Variants in ZNF783 observed in about 807,000 individuals in gnomAD.
The protein encoded by ZNF783 is zinc finger protein 783, also known as protein ZNF783.
ZNF783 carries 25 observed loss-of-function variants against 31.3 expected under a neutral mutation model. That is an observed-to-expected ratio of 0.80 (90% CI 0.58 to 1.11). The LOEUF is 1.11. Ranked by LOEUF, ZNF783 falls within the 50% of genes most tolerant of loss-of-function variation. The pLI, the probability that ZNF783 is intolerant of heterozygous loss-of-function variation, is 0.00. For missense variants in ZNF783, 797 were observed against 760.0 expected (o/e 1.05, Z -0.57); for synonymous variants, 369 against 319.1 (o/e 1.16, Z -1.66).
In ZNF783 at chr7:149,282,357, CA is replaced by C. The variant is rs1563200561; in HGVS notation, c.*15del. ...GAGGAGGGCTGACCTGGCAGGAGCC[CA>C]CAGAGGACCCCTGGCGGGGTCTCTC... On this transcript the variant is annotated 3_prime_UTR_variant, in exon 6 of 6. Transcript: ENST00000434415. 1 of 1,475,528 alleles carries C rather than the reference CA, an allele frequency of 6.8e-7. No homozygotes were observed. The highest frequency in any genetic ancestry group is 8.9e-7 in the Non-Finnish European group (1 of 1,119,380). The allele number at this position is 1,475,528 out of a possible 1,614,324, so 91.4% of individuals were successfully genotyped here. A position where few individuals can be genotyped will look rare whatever the true frequency, so the allele number is the denominator to read the frequency against.
chr7:149,268,821 C>T (rs1203679362), intron 4 of ZNF783, among the ~76,000 whole-genome samples: 2 of 152,128 alleles, frequency 1.3e-5, no homozygotes, highest in African/African-American at 4.8e-5. Context: ...TGTATATGTA[C>T]CACATTTTCT....
intron 1 of ZNF783, among the ~76,000 whole-genome samples, chr7:149,264,598 G>C (rs769374727): frequency 6.6e-6 from 1 of 152,196 alleles, no homozygotes; most frequent in Non-Finnish European, 1.5e-5. Flanking sequence ...CGGGAGCAGT[G>C]GCTCACTGAC....
At position 149,266,552 on chromosome 7, in the gene ZNF783, G is replaced by T. The variant is rs1797072706; in HGVS notation, c.242G>T (p.Cys81Phe). The change falls in exon 2 of 6, where the codon TGC becomes TTC. Residue 81 changes from cysteine (C) to phenylalanine (F), a missense_variant. By Grantham distance (205) the Cys-to-Phe change is radical. Coordinates refer to ENST00000434415, the MANE Select transcript of ZNF783 (RefSeq NM_001195220.2). ...TGTAEKKLAD[C>F]EKTAVEFGNQ... ...ACAGCCGAGAAGAAGCTGGCCGACT[G>T]CGAGAAGACAGCTGTGGAGTTCGGG... 2 of 1,614,106 alleles carry T rather than the reference G, an allele frequency of 1.2e-6. No homozygotes were observed. The highest frequency in any genetic ancestry group is 2.2e-5 in the South Asian group (2 of 91,090).
Position 149,281,721 on chromosome 7 carries a change from T to C in ZNF783, c.1019T>C (p.Val340Ala), listed in dbSNP as rs1223870727. 1.3e-6 allele frequency: 2 copies of C among 1,484,012 alleles called. No homozygotes were observed. The highest frequency in any genetic ancestry group is 1.4e-5 in the South Asian group (1 of 73,650). 91.9% of individuals were successfully genotyped at this position (1,484,012 alleles called of 1,614,324 possible). ...PPGASGETPRVLSRRRQRAFP... is the reference protein window; with the variant it reads ...PPGASGETPRALSRRRQRAFP... ...GGGGCCAGTGGGGAGACGCCCCGAG[T>C]CCTCTCCCGCAGGCGGCAGCGGGCA... Residue 340 changes from valine (V) to alanine (A), a missense_variant, in exon 6 of 6, where the codon GTC becomes GCC. Val to Ala is a moderately conservative substitution (Grantham distance 64, BLOSUM62 0). Coordinates refer to ENST00000434415, the MANE Select transcript of ZNF783 (RefSeq NM_001195220.2).
rs1585622579 is a variant in ZNF783, at chr7:149,281,845, C to T, written c.1143C>T (p.Gly381=). 1 of 1,496,458 alleles carries T rather than the reference C, an allele frequency of 6.7e-7. No individual in the cohort carries two copies. The highest frequency in any genetic ancestry group is 8.8e-7 in the Non-Finnish European group (1 of 1,132,562). 92.7% of individuals were successfully genotyped at this position (1,496,458 alleles called of 1,614,324 possible). The change falls in exon 6 of 6, where the codon GGC becomes GGT. Residue 381 remains glycine (G), a synonymous_variant. Transcript: ENST00000434415. ...AGGAGGGGCGGCAGGAGGCCCCCGG[C>T]CGCTCGCCCACCAGCTGCGGGGACA... ...HVEEGRQEAP[G]RSPTSCGDSQ...
Position 149,281,915 on chromosome 7 carries a change from G to GT in ZNF783, c.1214dup (p.Ile406HisfsTer9), listed in dbSNP as rs1563200064. ...GGGGGAGGTGGTGGTACCCGGCCCTGTCATCCGCTGGCTCCCCGAGGAGCC... is the reference window on the plus strand; with the variant it reads ...GGGGGAGGTGGTGGTACCCGGCCCTGTTCATCCGCTGGCTCCCCGAGGAGCC... On this transcript the variant is annotated frameshift_variant, in exon 6 of 6. Transcript: ENST00000434415. LOFTEE classifies it low-confidence loss of function (END_TRUNC). The GT allele has an allele frequency of 6.5e-7, 1 of 1,529,188 alleles. No individual in the cohort carries two copies. The highest frequency in any genetic ancestry group is 1.2e-5 in the South Asian group (1 of 80,486). The allele number at this position is 1,529,188 out of a possible 1,614,324, so 94.7% of individuals were successfully genotyped here. A position where few individuals can be genotyped will look rare whatever the true frequency, so the allele number is the denominator to read the frequency against.
chr7:149,274,547 G>A (rs908114920), intron 4 of ZNF783, among the ~76,000 whole-genome samples: 1 of 152,090 alleles, frequency 6.6e-6, no homozygotes, highest in African/African-American at 2.4e-5. Flanking sequence ...TGTATTTTTA[G>A]TAGAGACGGA....
chr7:149,264,981 T>TGGGGGAGAAGGCTGGAAGG (rs1797030787), intron 1 of ZNF783, among the ~76,000 whole-genome samples: 2 of 54,038 alleles, frequency 3.7e-5, no homozygotes, highest in African/African-American at 6.7e-5. Context: ...AGGCTGGAAG[T>TGGGGGAGAAGGCTGGAAGG]GGGGGAGAAG....
chr7:149,282,321 C>G lies in ZNF783; in HGVS notation c.1619C>G (p.Pro540Arg), dbSNP rs747304567. Residue 540 changes from proline (P) to arginine (R), a missense_variant, in exon 6 of 6, where the codon CCC (proline) becomes CGC (arginine). Coordinates refer to ENST00000434415, the MANE Select transcript of ZNF783 (RefSeq NM_001195220.2). The part of the protein sequence containing the change: ...ARHGSLPLPW[P>R]SRKEEG ...CACGGGAGCCTGCCCCTGCCCTGGC[C>G]CAGCCGGAAGGAGGAGGGCTGACCT... The G allele has an allele frequency of 1.4e-5, 21 of 1,541,424 alleles. No individual in the cohort carries two copies. In the Middle Eastern group the frequency reaches 1.2e-3, roughly 87 times the overall value.
chr7:149,272,410 C>T (rs1797227486), intron 4 of ZNF783, among the ~76,000 whole-genome samples: 1 of 152,184 alleles, frequency 6.6e-6, no homozygotes, highest in South Asian at 2.1e-4. Context: ...AAATTCCCCT[C>T]CATAGGGCTC....
In ZNF783 at chr7:149,282,075, A is replaced by C. The variant is rs1376163012; in HGVS notation, c.1373A>C (p.His458Pro). 1.3e-6 allele frequency: 2 copies of C among 1,596,304 alleles called. No homozygotes were observed. Among genetic ancestry groups the C allele is most frequent in the South Asian group, 2.2e-5 (2 of 90,856 alleles). Residue 458 changes from histidine to proline, a missense_variant, in exon 6 of 6, where the codon CAC becomes CCC. His to Pro is a moderately conservative substitution (Grantham distance 77, BLOSUM62 -2). Coordinates refer to ENST00000434415, the MANE Select transcript of ZNF783 (RefSeq NM_001195220.2). ...AGCCTGCTGCTGCACCAGCGCCTGCACACCGGCAATGGCCAGGGCTGGCCC... is the reference window on the plus strand; with the variant it reads ...AGCCTGCTGCTGCACCAGCGCCTGCCCACCGGCAATGGCCAGGGCTGGCCC... Reference protein sequence around the residue: ...RKSLLLHQRLHTGNGQGWPAC... With the variant: ...RKSLLLHQRLPTGNGQGWPAC...
chr7:149,281,248 T>C (rs2129525221), intron 5 of ZNF783, among the ~76,000 whole-genome samples: 1 of 152,334 alleles, frequency 6.6e-6, no homozygotes, highest in South Asian at 2.1e-4. Context: ...GCTCCTGGCC[T>C]TGCAGTTTGA....
chr7:149,278,851 G>A (rs1309664907), intron 5 of ZNF783, among the ~76,000 whole-genome samples: 2 of 152,130 alleles, frequency 1.3e-5, no homozygotes, highest in South Asian at 2.1e-4. Context: ...GGGTCTTTAC[G>A]AGGGTCCCAT....
At chr7:149,271,546 G>A (rs984163583) in intron 4 of ZNF783, among the ~76,000 whole-genome samples, 1 of 152,092 alleles carries the variant, frequency 6.6e-6, no homozygotes, top group African/African-American at 2.4e-5. Context: ...CACCAGCTTG[G>A]TATACAGTTG....
chr7:149,279,638 T>TGG (rs1797414499), intron 5 of ZNF783, among the ~76,000 whole-genome samples: 1 of 146,946 alleles, frequency 6.8e-6, no homozygotes, highest in African/African-American at 2.5e-5. Flanking sequence ...CTTTGTTTTT[T>TGG]TTTTTTTTTT....
Position 149,266,723 on chromosome 7 carries a change from C to A in ZNF783, c.413C>A (p.Ala138Asp). ...CTGCCCCCGGGCAGCAAGGGGGAGG[C>A]CCCCAAGGTAGCACCGGGACACCCT... is the stretch of plus-strand genomic sequence containing the variant. ...LRLPPGSKGE[A>D]PKVPVTFDDV... is the part of the protein sequence containing the mutation. The change falls in exon 2 of 6, where the codon GCC becomes GAC. Residue 138 changes from alanine to aspartate, a missense_variant. Transcript: ENST00000434415. The A allele has an allele frequency of 6.2e-7, 1 of 1,613,624 alleles. No homozygotes were observed. Among genetic ancestry groups the A allele is most frequent in the Non-Finnish European group, 8.5e-7 (1 of 1,179,804 alleles).
chr7:149,280,720 G>C, intron 5 of ZNF783, among the ~76,000 whole-genome samples: 1 of 152,216 alleles, frequency 6.6e-6, no homozygotes, highest in East Asian at 1.9e-4. Context: ...CCTAGAGTCT[G>C]TGCTTCCCTG....
chr7:149,266,780 G>A, intron 2 of ZNF783, 39 bp from the exon 3 acceptor site: 1 of 1,613,860 alleles, frequency 6.2e-7, no homozygotes, highest in Non-Finnish European at 8.5e-7. Context: ...CTGAGCCTGT[G>A]AGCGTGTGGG....
At chr7:149,273,059 G>T (rs943882540) in intron 4 of ZNF783, among the ~76,000 whole-genome samples, 1 of 152,186 alleles carries the variant, frequency 6.6e-6, no homozygotes, top group African/African-American at 2.4e-5. Flanking sequence ...TTCCACCCAT[G>T]TTGTTGCAGA....
Sources: gnomAD v4.1 joint callset for allele counts (sites outside exome capture counted in the v4.1 genomes callset) on GRCh38, gnomAD v4.1.1 for gene constraint, MANE v1.5 for transcripts, NCBI Gene and HGNC (gene_info 2026-07-23, HGNC 2026-07-21) for gene names.